FOXI3: variants seen among roughly 807,000 people sequenced by gnomAD.
FOXI3 encodes forkhead box I3, also known as forkhead box protein I3.
In FOXI3, 4 loss-of-function variants were observed where a neutral mutation model predicts 15.6. That is an observed-to-expected ratio of 0.26 (90% CI 0.13 to 0.59). The LOEUF is 0.59. Among genes scored for constraint, FOXI3 ranks in the 20% least tolerant of loss-of-function variants. FOXI3 has a pLI of 0.90. For synonymous variants in FOXI3, 238 were observed against 244.4 expected (o/e 0.97, Z 0.25); for missense variants, 489 against 548.2 (o/e 0.89, Z 1.08).
intron 1 of FOXI3, among the ~76,000 whole-genome samples, chr2:88,451,189 C>T (rs965698589): frequency 1.3e-5 from 2 of 152,188 alleles, no homozygotes; most frequent in Non-Finnish European, 2.9e-5. Flanking sequence ...AACACTCACT[C>T]CACTGTAACA....
rs370207846 is a variant in FOXI3 at position 88,448,419 on chromosome 2, C to T, written c.1051G>A (p.Gly351Ser). The T allele has an allele frequency of 1.2e-5, 19 of 1,551,674 alleles. No homozygotes were observed. Among genetic ancestry groups the T allele is most frequent in the South Asian group, 1.2e-4 (10 of 84,060 alleles). Reference sequence around the variant, plus strand: ...GAGATGGAGGTCGGGGAGAACACGCCGCTGGAGGGCAGCTGGGCCCCCTGG... The same window carrying T: ...GAGATGGAGGTCGGGGAGAACACGCTGCTGGAGGGCAGCTGGGCCCCCTGG... ...GIQGAQLPSS[G>S]VFSPTSISEA... is the part of the protein sequence containing the mutation. Residue 351 changes from glycine (G) to serine (S), a missense_variant, in exon 2 of 2, where the codon GGC (glycine) becomes AGC (serine). Gly to Ser is a moderately conservative substitution (Grantham distance 56). Coordinates refer to ENST00000428390, the MANE Select transcript of FOXI3 (RefSeq NM_001135649.3).
In FOXI3 at chr2:88,447,846, G is replaced by GT. The variant is rs113132152; in HGVS notation, c.*360dup. On this transcript the variant is annotated 3_prime_UTR_variant, in exon 2 of 2. Coordinates refer to ENST00000428390, the MANE Select transcript of FOXI3 (RefSeq NM_001135649.3). ...TCACCCAGTAACTTCGTTGGCTTGTGTTTTTTTAGCCATCTGTACACACTT... is the reference window on the plus strand; with the variant it reads ...TCACCCAGTAACTTCGTTGGCTTGTGTTTTTTTTAGCCATCTGTACACACTT... The GT allele has an allele frequency of 0.056, 12,606 of 224,922 alleles. 419 individuals are homozygous for GT. Among genetic ancestry groups the GT allele is most frequent in the African/African-American group, 0.067 (3,045 of 45,362 alleles). 13.9% of individuals were successfully genotyped at this position (224,922 alleles called of 1,614,324 possible). A position where few individuals can be genotyped will look rare whatever the true frequency, so the allele number is the denominator to read the frequency against.
chr2:88,448,766 CG>C lies in FOXI3; in HGVS notation c.703del (p.Arg235ValfsTer48). ...CTCAGAGCGGCGCTTTCGCTTCCGACGGAAGTTCCCATTGTCAAACATTTTC... is the reference window on the plus strand; with the variant it reads ...CTCAGAGCGGCGCTTTCGCTTCCGACGAAGTTCCCATTGTCAAACATTTTC... The part of the protein sequence containing the change: ...CEKMFDNGNF[R>X]RKRKRRSEAS... On this transcript the variant is annotated frameshift_variant, in exon 2 of 2. Coordinates refer to ENST00000428390, the MANE Select transcript of FOXI3 (RefSeq NM_001135649.3). LOFTEE classifies it low-confidence loss of function (END_TRUNC). 6.4e-7 allele frequency: 1 copy of C among 1,551,804 alleles called. No individual in the cohort carries two copies.
intron 1 of FOXI3, among the ~76,000 whole-genome samples, chr2:88,450,042 A>G (rs1177247621): frequency 6.6e-6 from 1 of 152,076 alleles, no homozygotes; most frequent in East Asian, 1.9e-4. Flanking sequence ...ACCTTGGTTC[A>G]CTGCAGCCTT....
At chr2:88,451,771 T>G in intron 1 of FOXI3, 125 bp downstream of exon 1, 5 of 1,405,536 alleles carry the variant, frequency 3.6e-6, no homozygotes, top group Non-Finnish European at 4.8e-6. Context: ...CTCCATCCGC[T>G]CCCACCCGCA....
Position 88,448,468 on chromosome 2 carries a change from G to A in FOXI3, c.1002C>T (p.Leu334=), listed in dbSNP as rs963742773. The part of the protein sequence containing the change: ...VSSSVSTQRA[L]PGSRHLGIQG... ...GGATCCCTAGGTGGCGGCTGCCAGG[G>A]AGAGCCCGCTGGGTACTCACACTGC... Residue 334 remains leucine (L), a synonymous_variant, in exon 2 of 2, where the codon CTC becomes CTT. Transcript: ENST00000428390. The A allele has an allele frequency of 2.6e-5, 41 of 1,551,700 alleles. No individual in the cohort carries two copies. The Middle Eastern group carries it at 8.3e-4, about 32-fold the overall frequency.
Position 88,447,786 on chromosome 2 carries a change from T to C in FOXI3, c.*421A>G, listed in dbSNP as rs1204109295. The C allele has an allele frequency of 2.0e-5, 4 of 197,090 alleles. No homozygotes were observed. In the Admixed American group the frequency reaches 2.1e-4, roughly 10 times the overall value. The allele number at this position is 197,090 out of a possible 1,614,324, so 12.2% of individuals were successfully genotyped here. On this transcript the variant is annotated 3_prime_UTR_variant, in exon 2 of 2. Coordinates refer to ENST00000428390, the MANE Select transcript of FOXI3 (RefSeq NM_001135649.3). Reference sequence around the variant, plus strand: ...TTCTACTAGTCAGTCCCAACTACCCTCTACTGCTTCAGTTGCCAACTGATG... The same window carrying C: ...TTCTACTAGTCAGTCCCAACTACCCCCTACTGCTTCAGTTGCCAACTGATG...
rs1347864816 is a variant in FOXI3 at position 88,447,135 on chromosome 2, C to A, written c.*1072G>T. ...TTACATGGAAAATGGGGGGTAGTAACAATACCCACCACCCAAGGTTTCTGA... is the reference window on the plus strand; with the variant it reads ...TTACATGGAAAATGGGGGGTAGTAAAAATACCCACCACCCAAGGTTTCTGA... On this transcript the variant is annotated 3_prime_UTR_variant, in exon 2 of 2. Transcript: ENST00000428390. 18 of 152,192 alleles carry A rather than the reference C, an allele frequency of 1.2e-4. No homozygotes were observed. The highest frequency in any genetic ancestry group is 1.2e-3 in the Admixed American group (18 of 15,282). 9.4% of individuals were successfully genotyped at this position (152,192 alleles called of 1,614,324 possible). A position where few individuals can be genotyped will look rare whatever the true frequency, so the allele number is the denominator to read the frequency against.
At position 88,448,269 on chromosome 2, in the gene FOXI3, G is replaced by T; in HGVS notation, c.1201C>A (p.Pro401Thr). ...TTCACCATGCTAAAGTTGTGGAAAG[G>T]GCTGCTGAAGGGGCTGCTTTGCCCC... is the stretch of plus-strand genomic sequence containing the variant. ...SGGQSSPFSS[P>T]FHNFSMVNSL... is the part of the protein sequence containing the mutation. Residue 401 changes from proline (P) to threonine (T), a missense_variant, in exon 2 of 2, where the codon CCT becomes ACT. Pro to Thr is a conservative substitution (Grantham distance 38). Transcript: ENST00000428390. The T allele has an allele frequency of 6.4e-7, 1 of 1,551,690 alleles. No homozygotes were observed. Among genetic ancestry groups the T allele is most frequent in the Non-Finnish European group, 8.7e-7 (1 of 1,146,982 alleles).
At chr2:88,448,929 C>T in intron 1 of FOXI3, 100 bp from the exon 2 acceptor site, 2 of 1,268,360 alleles carry the variant, frequency 1.6e-6, no homozygotes, top group Non-Finnish European at 2.1e-6. Context: ...TAGATGCTGA[C>T]AAAGATGCTC....
At chr2:88,450,542 A>T (rs1444184512) in intron 1 of FOXI3, among the ~76,000 whole-genome samples, 1 of 152,178 alleles carries the variant, frequency 6.6e-6, no homozygotes. Context: ...GAATTTCAAT[A>T]ATATCTCCAC....
In FOXI3 at chr2:88,452,457, G is replaced by C; in HGVS notation, c.79C>G (p.Pro27Ala). 8 of 1,060,414 alleles carry C rather than the reference G, an allele frequency of 7.5e-6. No homozygotes were observed. The highest frequency in any genetic ancestry group is 8.0e-6 in the Non-Finnish European group (7 of 880,036). The allele number at this position is 1,060,414 out of a possible 1,614,324, so 65.7% of individuals were successfully genotyped here. A position where few individuals can be genotyped will look rare whatever the true frequency, so the allele number is the denominator to read the frequency against. The stretch of plus-strand genomic sequence containing the variant: ...GCCCTGGCTGCCGGGGGGGCGCCCG[G>C]GGCGGCGGCGGTGGCGGCGGGCGGG... ...LPPPAATAAA[P>A]GAPPAARAPY... The change falls in exon 1 of 2, where the codon CCG becomes GCG. Residue 27 changes from proline (P) to alanine (A), a missense_variant. This residue lies in a region of FOXI3 where 224 missense variants were observed against 245.7 expected (regional missense o/e 0.91). Transcript: ENST00000428390.
In FOXI3 at chr2:88,452,404, C is replaced by T. The variant is rs1232645485; in HGVS notation, c.132G>A (p.Ala44=). Residue 44 remains alanine, a synonymous_variant, in exon 1 of 2, where the codon GCG becomes GCA. Transcript: ENST00000428390. The part of the protein sequence containing the change: ...RAPYGLADYA[A]PPAAAANPYL... ...AGGGGTTGGCGGCGGCGGCCGGCGG[C>T]GCGGCGTAGTCGGCCAGCCCGTAAG... The T allele has an allele frequency of 1.0e-6, 1 of 997,512 alleles. No homozygotes were observed. 61.8% of individuals were successfully genotyped at this position (997,512 alleles called of 1,614,324 possible).
rs937404944 is a variant in FOXI3 at position 88,448,971 on chromosome 2, T to C, written c.641-142A>G. The C allele has an allele frequency of 4.6e-6, 5 of 1,077,840 alleles. No homozygotes were observed. The African/African-American group carries it at 6.5e-5, about 14-fold the overall frequency. The allele number at this position is 1,077,840 out of a possible 1,614,324, so 66.8% of individuals were successfully genotyped here. Reference sequence around the variant, plus strand: ...CTCTAATATTCAAACCAATCCTCTTTCGGGGAAAATGTTACTCTTTGCTTC... The same window carrying C: ...CTCTAATATTCAAACCAATCCTCTTCCGGGGAAAATGTTACTCTTTGCTTC... On this transcript the variant is annotated intron_variant, in intron 1 of 1. Transcript: ENST00000428390.
chr2:88,450,407 AG>A (rs1165352240), intron 1 of FOXI3, among the ~76,000 whole-genome samples: 1 of 149,632 alleles, frequency 6.7e-6, no homozygotes, highest in East Asian at 2.0e-4. Flanking sequence ...CCTGGGCGAC[AG>A]GAGTGAAATT....
Position 88,448,198 on chromosome 2 carries a change from G to C in FOXI3, c.*9C>G. Reference sequence around the variant, plus strand: ...CTCAGGTGTGCATACTCAAGTCTGAGAGTCTGCTCTACACCTCGGAGCCCT... The same window carrying C: ...CTCAGGTGTGCATACTCAAGTCTGACAGTCTGCTCTACACCTCGGAGCCCT... On this transcript the variant is annotated 3_prime_UTR_variant, in exon 2 of 2. Coordinates refer to ENST00000428390, the MANE Select transcript of FOXI3 (RefSeq NM_001135649.3). 1.9e-6 allele frequency: 3 copies of C among 1,549,956 alleles called. No homozygotes were observed. Among genetic ancestry groups the C allele is most frequent in the Non-Finnish European group, 2.6e-6 (3 of 1,146,210 alleles).
rs1178165743 is a variant in FOXI3, at chr2:88,448,672, CCCCAAT to C, written c.792_797del (p.Leu265_Gly266del). 7 of 1,551,744 alleles carry C rather than the reference CCCCAAT, an allele frequency of 4.5e-6. No homozygotes were observed. The highest frequency in any genetic ancestry group is 6.1e-6 in the Non-Finnish European group (7 of 1,147,054). On this transcript the variant is annotated inframe_deletion, in exon 2 of 2. Coordinates refer to ENST00000428390, the MANE Select transcript of FOXI3 (RefSeq NM_001135649.3). ...CTTCTGGCTTCCCACCCACTCCAGA[CCCCAAT>C]CCTGAGGAGAGCCCTTCTTCGGACT...
Position 88,452,424 on chromosome 2 carries a change from C to A in FOXI3, c.112G>T (p.Gly38Trp), listed in dbSNP as rs1364093533. ...GAPPAARAPY[G>W]LADYAAPPAA... is the part of the protein sequence containing the mutation. ...GGCGGCGCGGCGTAGTCGGCCAGCCCGTAAGGCGCCCTGGCTGCCGGGGGG... is the reference window on the plus strand; with the variant it reads ...GGCGGCGCGGCGTAGTCGGCCAGCCAGTAAGGCGCCCTGGCTGCCGGGGGG... Residue 38 changes from glycine (G) to tryptophan (W), a missense_variant, in exon 1 of 2, where the codon GGG (glycine) becomes TGG (tryptophan). Gly to Trp is a radical substitution (Grantham distance 184, BLOSUM62 -2). This residue lies in a region of FOXI3 where 224 missense variants were observed against 245.7 expected (regional missense o/e 0.91). Transcript: ENST00000428390. The A allele has an allele frequency of 2.9e-6, 3 of 1,018,538 alleles. No homozygotes were observed. The highest frequency in any genetic ancestry group is 3.5e-6 in the Non-Finnish European group (3 of 853,644). 63.1% of individuals were successfully genotyped at this position (1,018,538 alleles called of 1,614,324 possible).
In FOXI3 at chr2:88,452,131, G is replaced by A; in HGVS notation, c.405C>T (p.Ala135=). 3.2e-6 allele frequency: 5 copies of A among 1,546,354 alleles called. No individual in the cohort carries two copies. Among genetic ancestry groups the A allele is most frequent in the South Asian group, 1.2e-5 (1 of 83,594 alleles). ...GPGELGWLSM[A]SREDLMKMVR... ...CCATCTTCATCAGGTCCTCGCGGCT[G>A]GCCATGGACAGCCAGCCCAGCTCCC... is the stretch of plus-strand genomic sequence containing the variant. The change falls in exon 1 of 2, where the codon GCC becomes GCT. Residue 135 remains alanine, a synonymous_variant. Transcript: ENST00000428390.
Sources: allele counts gnomAD v4.1 joint callset (sites outside exome capture counted in the v4.1 genomes callset), GRCh38; gene constraint gnomAD v4.1.1; regional missense constraint gnomAD v4.1.1; transcripts MANE v1.5; gene names NCBI Gene and HGNC (gene_info 2026-07-23, HGNC 2026-07-21).